VAT1L: variants seen among roughly 807,000 people sequenced by gnomAD.
VAT1L encodes vesicle amine transport 1 like.
VAT1L carries 34 observed loss-of-function variants against 44.1 expected under a neutral mutation model. The ratio of observed to expected loss-of-function variants is 0.77; its 90% confidence interval spans 0.59 to 1.03. The LOEUF (loss-of-function observed/expected upper bound fraction) is 1.03. Among genes scored for constraint, VAT1L ranks in the 50% least tolerant of loss-of-function variants. The probability of loss-of-function intolerance (pLI) is 0.00; values close to 1 mark genes in which losing one functional copy is unlikely to be tolerated. For synonymous variants in VAT1L, 253 were observed against 202.2 expected (o/e 1.25, Z -2.13); for missense variants, 615 against 538.8 (o/e 1.14, Z -1.40).
At chr16:77,912,185 C>A (rs1243735082) in intron 7 of VAT1L, among the ~76,000 whole-genome samples, 1 of 152,162 alleles carries the variant, frequency 6.6e-6, no homozygotes, top group Admixed American at 6.5e-5. Flanking sequence ...TACCACTTCC[C>A]AGCATAAGTG....
intron 3 of VAT1L, among the ~76,000 whole-genome samples, chr16:77,839,744 G>T (rs1354328682): frequency 6.6e-6 from 1 of 152,068 alleles, no homozygotes; most frequent in Non-Finnish European, 1.5e-5. Context: ...GCATGCTCAA[G>T]GTTGAGAACC....
chr16:77,955,259 A>G (rs909021951), intron 7 of VAT1L, among the ~76,000 whole-genome samples: 1 of 152,192 alleles, frequency 6.6e-6, no homozygotes, highest in Non-Finnish European at 1.5e-5. Context: ...CCTAAGGGAC[A>G]TTTGGCAATG....
At chr16:77,842,129 T>G (rs1056743886) in intron 3 of VAT1L, among the ~76,000 whole-genome samples, 3 of 152,154 alleles carry the variant, frequency 2.0e-5, no homozygotes, top group African/African-American at 7.2e-5. Context: ...CCTGGTGATC[T>G]GCCTGCCTTG....
At chr16:77,943,919 A>G (rs2017925430) in intron 7 of VAT1L, among the ~76,000 whole-genome samples, 1 of 152,170 alleles carries the variant, frequency 6.6e-6, no homozygotes, top group South Asian at 2.1e-4. Context: ...GGAGAGCTTC[A>G]AAGATGATGT....
chr16:77,883,896 A>C (rs978654709), intron 6 of VAT1L, among the ~76,000 whole-genome samples: 2 of 152,102 alleles, frequency 1.3e-5, no homozygotes, highest in African/African-American at 4.8e-5. Context: ...CACATTGTGT[A>C]AACTTTTCTG....
intron 5 of VAT1L, 56 bp downstream of exon 5, chr16:77,876,529 G>C: frequency 6.8e-7 from 1 of 1,477,844 alleles, no homozygotes; most frequent in South Asian, 1.1e-5. Context: ...CTACATATGT[G>C]CCTGCAAAGG....
intron 3 of VAT1L, among the ~76,000 whole-genome samples, chr16:77,856,706 G>A (rs938194694): frequency 2.0e-5 from 3 of 152,186 alleles, no homozygotes; most frequent in Non-Finnish European, 4.4e-5. Context: ...GGATTGAGTT[G>A]ATTAACATCT....
In VAT1L at chr16:77,832,682, A is replaced by C. The variant is rs145021369; in HGVS notation, c.579+7221A>C. Among the ~76,000 whole-genome samples the C allele has an allele frequency of 1.7e-3, 256 of 152,350 alleles. 3 individuals carry two copies. The highest frequency in any genetic ancestry group is 0.015 in the Admixed American group (230 of 15,308). On this transcript the variant is annotated intron_variant, in intron 3 of 8. Coordinates refer to ENST00000302536, the MANE Select transcript of VAT1L (RefSeq NM_020927.3). The stretch of plus-strand genomic sequence containing the variant: ...TAAATTTGGTAACCACTCAATGATT[A>C]AATTCTATTCGTTATGGATGAGGCA...
At chr16:77,938,049 A>G (rs745502030) in intron 7 of VAT1L, among the ~76,000 whole-genome samples, 6 of 152,210 alleles carry the variant, frequency 3.9e-5, no homozygotes, top group Non-Finnish European at 7.3e-5. Flanking sequence ...AGCACTGTTT[A>G]CTGTTGCTGA....
At chr16:77,965,384 C>T (rs997204863) in intron 7 of VAT1L, among the ~76,000 whole-genome samples, 1 of 152,192 alleles carries the variant, frequency 6.6e-6, no homozygotes, top group African/African-American at 2.4e-5. Context: ...TGCCTCCTGC[C>T]ACCATGCACT....
chr16:77,841,310 T>G (rs909800519), intron 3 of VAT1L, among the ~76,000 whole-genome samples: 3 of 152,212 alleles, frequency 2.0e-5, no homozygotes, highest in Non-Finnish European at 4.4e-5. Flanking sequence ...TTTGAACTCC[T>G]GGGCTCATGC....
At chr16:77,857,006 G>C (rs2016865739) in intron 3 of VAT1L, among the ~76,000 whole-genome samples, 1 of 152,134 alleles carries the variant, frequency 6.6e-6, no homozygotes, top group African/African-American at 2.4e-5. Flanking sequence ...AGGATTTAAC[G>C]AAGCACCTTA....
At chr16:77,976,949 T>C (rs2018347092) in intron 8 of VAT1L, among the ~76,000 whole-genome samples, 1 of 152,184 alleles carries the variant, frequency 6.6e-6, no homozygotes, top group South Asian at 2.1e-4. Context: ...TTGTTGTGTC[T>C]GCTCTTCTTA....
At chr16:77,962,017 C>T (rs2018165130) in intron 7 of VAT1L, among the ~76,000 whole-genome samples, 1 of 152,184 alleles carries the variant, frequency 6.6e-6, no homozygotes, top group Non-Finnish European at 1.5e-5. Context: ...TCCTGGTCAG[C>T]TGTGAGTCAT....
At chr16:77,838,557 G>A (rs1040000717) in intron 3 of VAT1L, among the ~76,000 whole-genome samples, 1 of 152,046 alleles carries the variant, frequency 6.6e-6, no homozygotes, top group Non-Finnish European at 1.5e-5. Flanking sequence ...AGGATAGAGA[G>A]ATTAAATTTG....
chr16:77,882,212 G>C (rs1003423021), intron 6 of VAT1L: 1 of 152,170 alleles, frequency 6.6e-6, no homozygotes, highest in African/African-American at 2.4e-5. Context: ...TATTCAAGAA[G>C]GGCTTAGAAA....
intron 7 of VAT1L, among the ~76,000 whole-genome samples, chr16:77,914,567 G>A (rs1382165515): frequency 2.0e-5 from 3 of 152,174 alleles, no homozygotes; most frequent in African/African-American, 7.2e-5. Context: ...AATACACCAC[G>A]TATATTACTG....
At chr16:77,857,968 G>C (rs1338751535) in intron 3 of VAT1L, among the ~76,000 whole-genome samples, 1 of 151,856 alleles carries the variant, frequency 6.6e-6, no homozygotes, top group African/African-American at 2.4e-5. Context: ...AGGACATGAA[G>C]GCTGCAAAAC....
At chr16:77,816,014 G>GA (rs1384900715) in intron 1 of VAT1L, among the ~76,000 whole-genome samples, 18 of 126,666 alleles carry the variant, frequency 1.4e-4, no homozygotes, top group African/African-American at 3.9e-4. Flanking sequence ...CATCTGTTGG[G>GA]AAAAAATGCA....
Sources: allele counts gnomAD v4.1 joint callset (sites outside exome capture counted in the v4.1 genomes callset), GRCh38; gene constraint gnomAD v4.1.1; transcripts MANE v1.5; gene names NCBI Gene and HGNC (gene_info 2026-07-23, HGNC 2026-07-21).